The following TNFRSF11A variants were observed in gnomAD, a reference collection of about 807,000 sequenced individuals.
TNFRSF11A encodes tumor necrosis factor receptor superfamily member 11A.
Under a neutral mutation model 55.7 loss-of-function variants are expected in TNFRSF11A, and 32 were observed. The ratio of observed to expected loss-of-function variants is 0.57; its 90% confidence interval spans 0.43 to 0.77. TNFRSF11A has a LOEUF of 0.77. Among genes scored for constraint, TNFRSF11A ranks in the 30% least tolerant of loss-of-function variants. TNFRSF11A has a pLI of 0.00. For synonymous variants in TNFRSF11A, 311 were observed against 331.0 expected, an observed-to-expected ratio of 0.94 and a Z score of 0.65; for missense variants, 753 against 809.8, an observed-to-expected ratio of 0.93 and a Z score of 0.85.
At chr18:62,377,893 T>C (rs1911005882) in intron 9 of TNFRSF11A, among the ~76,000 whole-genome samples, 1 of 152,160 alleles carries the variant, frequency 6.6e-6, no homozygotes, top group Non-Finnish European at 1.5e-5. Context: ...TGGGTAAGCC[T>C]CATCTGAACC....
chr18:62,332,332 G>C (rs2046167014), intron 1 of TNFRSF11A, among the ~76,000 whole-genome samples: 1 of 152,194 alleles, frequency 6.6e-6, no homozygotes, highest in South Asian at 2.1e-4. Context: ...AGCACAAACA[G>C]CTGGCAAGTT....
Position 62,368,893 on chromosome 18 carries a change from A to G in TNFRSF11A, c.976A>G (p.Met326Val). Residue 326 changes from methionine to valine, a missense_variant, in exon 9 of 10, where the codon ATG becomes GTG. Physicochemically the swap from Met to Val is conservative, Grantham distance 21. Around this residue, in one of 3 missense-constraint regions of TNFRSF11A, gnomAD observed 567 missense variants for 596.7 expected, o/e 0.95. Coordinates refer to ENST00000586569, the MANE Select transcript of TNFRSF11A (RefSeq NM_003839.4). ...GPYAQGEDAR[M>V]LSLVSKTEIE... ...CTACGCACAAGGCGAAGATGCCAGG[A>G]TGCTCTCATTGGTCAGCAAGACCGA... is the stretch of plus-strand genomic sequence containing the variant. 1 of 1,614,266 alleles carries G rather than the reference A, an allele frequency of 6.2e-7. No homozygotes were observed. Among genetic ancestry groups the G allele is most frequent in the Non-Finnish European group, 8.5e-7 (1 of 1,180,050 alleles).
In TNFRSF11A at chr18:62,383,851, G is replaced by T. The variant is rs1911460713; in HGVS notation, c.1568-900G>T. 2.0e-5 allele frequency among the ~76,000 whole-genome samples: 3 copies of T among 151,842 alleles called. No individual in the cohort carries two copies. In the South Asian group the frequency reaches 6.2e-4, roughly 32 times the overall value. The stretch of plus-strand genomic sequence containing the variant: ...AGTTTTGTGAATCTGTTTTGTTTCC[G>T]GGAGTAATTTTAATGTTAAGGAAGT... On this transcript the variant is annotated intron_variant, in intron 9 of 9. Transcript: ENST00000586569. The surrounding 1 kb of genome is among the most constrained non-coding windows in gnomAD (Gnocchi z 4.2).
At chr18:62,351,488 C>T (rs2145300332) in intron 3 of TNFRSF11A, among the ~76,000 whole-genome samples, 1 of 152,292 alleles carries the variant, frequency 6.6e-6, no homozygotes, top group East Asian at 1.9e-4. Context: ...ACATTAGCAG[C>T]TGCTGATGGT....
Position 62,361,764 on chromosome 18 carries a change from G to A in TNFRSF11A, c.701G>A (p.Cys234Tyr), listed in dbSNP as rs1909705811. 1.1e-5 allele frequency: 17 copies of A among 1,614,062 alleles called. No homozygotes were observed. Among genetic ancestry groups the A allele is most frequent in the Non-Finnish European group, 1.4e-5 (16 of 1,180,022 alleles). Residue 234 changes from cysteine to tyrosine, a missense_variant, in exon 7 of 10, where the codon TGC becomes TAC. Cys to Tyr is a radical substitution (Grantham distance 194). This residue lies in a region of TNFRSF11A where 567 missense variants were observed against 596.7 expected (regional missense o/e 0.95). Transcript: ENST00000586569. Reference sequence around the variant, plus strand: ...GTGGCTGCCATCATCTTTGGCGTTTGCTATAGGAAAAAAGGGAAAGCACTC... The same window carrying A: ...GTGGCTGCCATCATCTTTGGCGTTTACTATAGGAAAAAAGGGAAAGCACTC... Reference protein sequence around the residue: ...ALVAAIIFGVCYRKKGKALTA... With the variant: ...ALVAAIIFGVYYRKKGKALTA...
rs200750073 is a variant in TNFRSF11A at position 62,384,988 on chromosome 18, A to G, written c.1805A>G (p.Glu602Gly). The change falls in exon 10 of 10, where the codon GAG (glutamate) becomes GGG (glycine). Residue 602 changes from glutamate to glycine, a missense_variant. Around this residue, in one of 3 missense-constraint regions of TNFRSF11A, gnomAD observed 567 missense variants for 596.7 expected, o/e 0.95. Coordinates refer to ENST00000586569, the MANE Select transcript of TNFRSF11A (RefSeq NM_003839.4). ...GGCCCCGAGGGGCTGCGGGAGCCGGAGAAGGCCTCGAGGCCGGTGCAGGAG... is the reference window on the plus strand; with the variant it reads ...GGCCCCGAGGGGCTGCGGGAGCCGGGGAAGGCCTCGAGGCCGGTGCAGGAG... ...CGGPEGLREPEKASRPVQEQG... is the reference protein window; with the variant it reads ...CGGPEGLREPGKASRPVQEQG... 138 of 1,471,676 alleles carry G rather than the reference A, an allele frequency of 9.4e-5. No individual in the cohort carries two copies. The African/African-American group carries it at 1.8e-3, about 19-fold the overall frequency. The allele number at this position is 1,471,676 out of a possible 1,614,324, so 91.2% of individuals were successfully genotyped here.
intron 1 of TNFRSF11A, among the ~76,000 whole-genome samples, chr18:62,337,562 T>C (rs983241988): frequency 6.6e-6 from 1 of 152,232 alleles, no homozygotes; most frequent in African/African-American, 2.4e-5. Context: ...CCAAGGGCCT[T>C]GGCAAATATG....
intron 4 of TNFRSF11A, 143 bp from the exon 5 acceptor site, chr18:62,358,105 G>A: frequency 1.4e-6 from 1 of 723,588 alleles, no homozygotes; most frequent in Non-Finnish European, 2.4e-6. Context: ...ACACAGGGGT[G>A]GGCACAGGGG....
At chr18:62,337,191 CT>C (rs974373303) in intron 1 of TNFRSF11A, among the ~76,000 whole-genome samples, 2 of 151,808 alleles carry the variant, frequency 1.3e-5, no homozygotes, top group African/African-American at 4.8e-5. Flanking sequence ...GATTTTTTTT[CT>C]GTGCATACTA....
chr18:62,342,848 TA>T (rs2046333627), intron 1 of TNFRSF11A, among the ~76,000 whole-genome samples: 2 of 152,368 alleles, frequency 1.3e-5, no homozygotes, highest in South Asian at 4.1e-4. Context: ...CATTTGTTTG[TA>T]GGTTACTCTG....
At position 62,349,910 on chromosome 18, in the gene TNFRSF11A, T is replaced by C; in HGVS notation, c.256T>C (p.Cys86Arg). ...YLDSWNEEDK[C>R]LLHKVCDTGK... ...GGATAGCTGGAATGAAGAAGATAAA[T>C]GCTTGCTGCATAAAGTTTGTGATAC... The change falls in exon 3 of 10, where the codon TGC (cysteine) becomes CGC (arginine). Residue 86 changes from cysteine to arginine, a missense_variant. Physicochemically the swap from Cys to Arg is radical, Grantham distance 180. Coordinates refer to ENST00000586569, the MANE Select transcript of TNFRSF11A (RefSeq NM_003839.4). 6.2e-7 allele frequency: 1 copy of C among 1,614,158 alleles called. No individual in the cohort carries two copies. Among genetic ancestry groups the C allele is most frequent in the Non-Finnish European group, 8.5e-7 (1 of 1,179,986 alleles).
In TNFRSF11A at chr18:62,358,332, C is replaced by T; in HGVS notation, c.512C>T (p.Pro171Leu). 6.2e-7 allele frequency: 1 copy of T among 1,613,646 alleles called. No individual in the cohort carries two copies. ...TTTTCCTCCACGGACAAATGCAGAC[C>T]CTGGACCAAGTAAGTAACAACAAAG... ...DAFSSTDKCR[P>L]WTNCTFLGKR... is the part of the protein sequence containing the mutation. The change falls in exon 5 of 10, where the codon CCC becomes CTC. Residue 171 changes from proline to leucine, a missense_variant. Coordinates refer to ENST00000586569, the MANE Select transcript of TNFRSF11A (RefSeq NM_003839.4).
At chr18:62,358,143 G>A (rs1035750306) in intron 4 of TNFRSF11A, 105 bp from the exon 5 acceptor site, 16 of 1,053,242 alleles carry the variant, frequency 1.5e-5, no homozygotes, top group Admixed American at 8.9e-5. Flanking sequence ...GAGGGGCAGC[G>A]CCTCACCTCC....
At chr18:62,355,488 G>A (rs1909191704) in intron 4 of TNFRSF11A, among the ~76,000 whole-genome samples, 1 of 152,118 alleles carries the variant, frequency 6.6e-6, no homozygotes, top group Non-Finnish European at 1.5e-5. Flanking sequence ...TGTTGGTCAG[G>A]CTGGTCTCGA....
intron 1 of TNFRSF11A, among the ~76,000 whole-genome samples, chr18:62,332,926 G>T (rs2046176322): frequency 6.6e-6 from 1 of 152,198 alleles, no homozygotes; most frequent in Admixed American, 6.5e-5. Flanking sequence ...CCCCACAGGA[G>T]GAACACATGA....
intron 9 of TNFRSF11A, among the ~76,000 whole-genome samples, chr18:62,374,575 G>A (rs1460000812): frequency 6.6e-6 from 1 of 152,186 alleles, no homozygotes; most frequent in Non-Finnish European, 1.5e-5. Context: ...TAGTTCTTGT[G>A]ATTTAATATT....
chr18:62,326,709 A>C (rs2046081142), intron 1 of TNFRSF11A, among the ~76,000 whole-genome samples: 1 of 152,220 alleles, frequency 6.6e-6, no homozygotes, highest in Non-Finnish European at 1.5e-5. Flanking sequence ...TATCAAAATA[A>C]GTTTATTTTT....
chr18:62,334,824 T>A (rs2046206064), intron 1 of TNFRSF11A, among the ~76,000 whole-genome samples: 3 of 152,152 alleles, frequency 2.0e-5, no homozygotes, highest in Admixed American at 2.0e-4. Context: ...AAGCTTTTAC[T>A]TGGAGTGAGA....
At chr18:62,327,580 G>C (rs932575406) in intron 1 of TNFRSF11A, among the ~76,000 whole-genome samples, 1 of 152,142 alleles carries the variant, frequency 6.6e-6, no homozygotes, top group Non-Finnish European at 1.5e-5. Flanking sequence ...TGCTTGTTTG[G>C]CCAGCCTATT....
Sources: allele counts gnomAD v4.1 joint callset (sites outside exome capture counted in the v4.1 genomes callset), GRCh38; gene constraint gnomAD v4.1.1; regional missense constraint gnomAD v4.1.1; non-coding constraint Gnocchi (gnomAD v3.1); transcripts MANE v1.5; gene names NCBI Gene and HGNC (gene_info 2026-07-23, HGNC 2026-07-21).